KANSL2: variants seen among roughly 807,000 people sequenced by gnomAD.
KANSL2 encodes the protein NSL complex protein NSL2.
A neutral mutation model predicts 55.6 loss-of-function variants in KANSL2; 34 were observed. The ratio of observed to expected loss-of-function variants is 0.61; its 90% confidence interval spans 0.46 to 0.81. The LOEUF is 0.81. KANSL2 is among the 40% of genes least tolerant of loss of function. The pLI, the probability that KANSL2 is intolerant of heterozygous loss-of-function variation, is 0.00. For synonymous variants in KANSL2, 209 were observed against 214.3 expected (o/e 0.98, Z 0.22); for missense variants, 502 against 609.9 (o/e 0.82, Z 1.86).
At chr12:48,672,686 A>C (rs1001788818) in intron 4 of KANSL2, among the ~76,000 whole-genome samples, 1 of 151,912 alleles carries the variant, frequency 6.6e-6, no homozygotes, top group Non-Finnish European at 1.5e-5. Flanking sequence ...TCAGCCTCAC[A>C]AAGTGCTGGA....
At chr12:48,664,903 T>TTTTTTG (rs1387006355) in intron 7 of KANSL2, among the ~76,000 whole-genome samples, 1 of 145,214 alleles carries the variant, frequency 6.9e-6, no homozygotes, top group Non-Finnish European at 1.5e-5. Flanking sequence ...TTTTTTTTTT[T>TTTTTTG]AGAGACAGGG....
At chr12:48,664,542 T>C (rs1013692042) in intron 7 of KANSL2, among the ~76,000 whole-genome samples, 4 of 149,032 alleles carry the variant, frequency 2.7e-5, no homozygotes, top group Non-Finnish European at 4.4e-5. Context: ...CCTCCCAAAG[T>C]GCCGGGATTA....
chr12:48,656,157 G>A (rs1565603517), intron 8 of KANSL2, among the ~76,000 whole-genome samples: 1 of 152,112 alleles, frequency 6.6e-6, no homozygotes, highest in Non-Finnish European at 1.5e-5. Context: ...CAAGGGAAAG[G>A]GAGAAGGTAG....
chr12:48,669,043 C>T (rs1476081607), intron 6 of KANSL2, 63 bp downstream of exon 6: 24 of 1,338,822 alleles, frequency 1.8e-5, no homozygotes, highest in Non-Finnish European at 2.1e-5. Flanking sequence ...GACTCCGTCT[C>T]GAAAAAATAA....
intron 4 of KANSL2, among the ~76,000 whole-genome samples, chr12:48,676,088 G>C (rs1278347171): frequency 6.6e-6 from 1 of 151,898 alleles, no homozygotes; most frequent in Admixed American, 6.6e-5. Context: ...TTAAGTATTA[G>C]ATGTTGTAGA....
At position 48,660,636 on chromosome 12, in the gene KANSL2, A is replaced by C; in HGVS notation, c.974-17T>G. 1 of 1,605,150 alleles carries C rather than the reference A, an allele frequency of 6.2e-7. No individual in the cohort carries two copies. The highest frequency in any genetic ancestry group is 8.5e-7 in the Non-Finnish European group (1 of 1,174,510). ...GACAAATATCTGTAGAAAAATGGTCAAGGGAAATAAAACACAATCTATCGA... is the reference window on the plus strand; with the variant it reads ...GACAAATATCTGTAGAAAAATGGTCCAGGGAAATAAAACACAATCTATCGA... On this transcript the variant is annotated splice_polypyrimidine_tract_variant and intron_variant, in intron 7 of 9. Coordinates refer to ENST00000420613, the MANE Select transcript of KANSL2 (RefSeq NM_017822.4).
Position 48,681,560 on chromosome 12 carries a change from G to A in KANSL2, c.73C>T (p.Pro25Ser), listed in dbSNP as rs746578917. 7 of 1,614,004 alleles carry A rather than the reference G, an allele frequency of 4.3e-6. No homozygotes were observed. Among genetic ancestry groups the A allele is most frequent in the Non-Finnish European group, 5.1e-6 (6 of 1,179,896 alleles). The change falls in exon 2 of 10, where the codon CCT (proline) becomes TCT (serine). Residue 25 changes from proline (P) to serine (S), a missense_variant. Pro to Ser is a moderately conservative substitution (Grantham distance 74). Coordinates refer to ENST00000420613, the MANE Select transcript of KANSL2 (RefSeq NM_017822.4). ...CGATGAGTGAATGCACAAGACAGAG[G>A]TTCCTGAGACCTGGGCACTGGAGTG... Reference protein sequence around the residue: ...RITPVPRSQEPLSCAFTHRPC... With the variant: ...RITPVPRSQESLSCAFTHRPC...
intron 4 of KANSL2, among the ~76,000 whole-genome samples, chr12:48,674,410 A>G (rs1939783860): frequency 6.6e-6 from 1 of 152,144 alleles, no homozygotes; most frequent in African/African-American, 2.4e-5. Context: ...TCGGCCTCCC[A>G]AAGTGCTAGG....
intron 8 of KANSL2, among the ~76,000 whole-genome samples, chr12:48,657,234 G>A (rs567738585): frequency 1.3e-5 from 2 of 152,012 alleles, no homozygotes; most frequent in Non-Finnish European, 2.9e-5. Flanking sequence ...TTACCAGCCT[G>A]GCCAACATGG....
At chr12:48,655,131 A>G in intron 8 of KANSL2, 71 bp from the exon 9 acceptor site, 1 of 1,478,014 alleles carries the variant, frequency 6.8e-7, no homozygotes, top group South Asian at 1.2e-5. Flanking sequence ...TTTTTCAGCA[A>G]ACTTTAAAGC....
rs745600847 is a variant in KANSL2, at chr12:48,667,777, G to A, written c.889C>T (p.Arg297Cys). Reference protein sequence around the residue: ...DGAAQQAHTTRSSQRCLAFVD... With the variant: ...DGAAQQAHTTCSSQRCLAFVD... ...AAGGCCAAGCACCTCTGACTGGAAC[G>A]AGTGGTATGGGCCTGAAATGGAAAA... is the stretch of plus-strand genomic sequence containing the variant. The change falls in exon 7 of 10, where the codon CGT becomes TGT. Residue 297 changes from arginine (R) to cysteine (C), a missense_variant. Arg to Cys is a radical substitution (Grantham distance 180, BLOSUM62 -3). Coordinates refer to ENST00000420613, the MANE Select transcript of KANSL2 (RefSeq NM_017822.4). The A allele has an allele frequency of 5.0e-6, 8 of 1,613,100 alleles. No individual in the cohort carries two copies. The highest frequency in any genetic ancestry group is 2.2e-5 in the East Asian group (1 of 44,868).
In KANSL2 at chr12:48,653,220, G is replaced by T. The variant is rs1712138326; in HGVS notation, c.*824C>A. ...AAAAAGAAGAAAGATATTTGGAACTGATGGGCTTTAATAAGTCCTGCCCCT... is the reference window on the plus strand; with the variant it reads ...AAAAAGAAGAAAGATATTTGGAACTTATGGGCTTTAATAAGTCCTGCCCCT... On this transcript the variant is annotated 3_prime_UTR_variant, in exon 10 of 10. Coordinates refer to ENST00000420613, the MANE Select transcript of KANSL2 (RefSeq NM_017822.4). Among the ~76,000 whole-genome samples, 1 of 152,138 alleles carries T rather than the reference G, an allele frequency of 6.6e-6. No individual in the cohort carries two copies. Among genetic ancestry groups the T allele is most frequent in the South Asian group, 2.1e-4 (1 of 4,828 alleles).
At chr12:48,665,131 C>A (rs558667721) in intron 7 of KANSL2, among the ~76,000 whole-genome samples, 1 of 152,156 alleles carries the variant, frequency 6.6e-6, no homozygotes, top group African/African-American at 2.4e-5. Context: ...TTTGCACAAC[C>A]ATTTTATATA....
chr12:48,679,846 A>T lies in KANSL2; in HGVS notation c.252-13T>A. 2 of 1,574,082 alleles carry T rather than the reference A, an allele frequency of 1.3e-6. No homozygotes were observed. The highest frequency in any genetic ancestry group is 1.7e-6 in the Non-Finnish European group (2 of 1,159,618). On this transcript the variant is annotated splice_polypyrimidine_tract_variant and intron_variant, in intron 2 of 9. Transcript: ENST00000420613. The stretch of plus-strand genomic sequence containing the variant: ...ACAGAAGGACACCCTGAAGAGACAA[A>T]ACATTAATATTTTATAAGTTCCTTC...
chr12:48,662,123 T>C (rs2137181214), intron 7 of KANSL2, among the ~76,000 whole-genome samples: 1 of 152,344 alleles, frequency 6.6e-6, no homozygotes, highest in East Asian at 1.9e-4. Context: ...AAATTTTTTT[T>C]ACACGAAGTC....
intron 8 of KANSL2, among the ~76,000 whole-genome samples, chr12:48,659,120 C>G (rs1433097865): frequency 4.0e-5 from 6 of 151,666 alleles, no homozygotes; most frequent in Non-Finnish European, 8.8e-5. Flanking sequence ...ATGGTGAAAC[C>G]CTGTCTCTAC....
chr12:48,667,357 A>G (rs1282837877), intron 7 of KANSL2: 1 of 314,682 alleles, frequency 3.2e-6, no homozygotes, highest in Admixed American at 4.1e-5. Context: ...AAGCAAGTTA[A>G]ATCAGAAACC....
intron 3 of KANSL2, 88 bp downstream of exon 3, chr12:48,679,567 C>T (rs977499058): frequency 2.0e-6 from 2 of 988,826 alleles, no homozygotes; most frequent in Admixed American, 5.4e-5. Context: ...AACAATATTG[C>T]CAAATAGATC....
At chr12:48,661,137 A>C in intron 7 of KANSL2, 5 of 473,922 alleles carry the variant, frequency 1.1e-5, no homozygotes, top group South Asian at 9.0e-5. Context: ...AGGGGGAAAC[A>C]GAGCTCTAGT....
Sources: gnomAD v4.1 joint callset for allele counts (sites outside exome capture counted in the v4.1 genomes callset) on GRCh38, gnomAD v4.1.1 for gene constraint, MANE v1.5 for transcripts, NCBI Gene and HGNC (gene_info 2026-07-23, HGNC 2026-07-21) for gene names.